ARID2: variants seen among roughly 807,000 people sequenced by gnomAD.
ARID2 encodes AT-rich interaction domain 2, also known as AT-rich interactive domain-containing protein 2.
Under a neutral mutation model 184.6 loss-of-function variants are expected in ARID2, and 32 were observed. That is an observed-to-expected ratio of 0.17 (90% CI 0.13 to 0.23). The LOEUF (loss-of-function observed/expected upper bound fraction) is 0.23. Among genes scored for constraint, ARID2 ranks in the 10% least tolerant of loss-of-function variants. The pLI is 1.00. For synonymous variants in ARID2, 836 were observed against 772.6 expected (o/e 1.08, Z -1.36); for missense variants, 1,696 against 2,197.6 (o/e 0.77, Z 4.56).
At chr12:45,868,595 T>C (rs1158583864) in intron 16 of ARID2, among the ~76,000 whole-genome samples, 2 of 152,222 alleles carry the variant, frequency 1.3e-5, no homozygotes, top group African/African-American at 4.8e-5. Flanking sequence ...AAAATGCACA[T>C]TTTTTGCTTT....
rs200901742 is a variant in ARID2, at chr12:45,850,613, A to G, written c.2490A>G (p.Gln830=). The change falls in exon 15 of 21, where the codon CAA becomes CAG. Residue 830 remains glutamine (Q), a synonymous_variant. Coordinates refer to ENST00000334344, the MANE Select transcript of ARID2 (RefSeq NM_152641.4). ...TCACCACATCACCCCAACCTGTGCA[A>G]ACTTCATCTCAACAGACATCAGCTG... is the stretch of plus-strand genomic sequence containing the variant. ...QLITTSPQPV[Q]TSSQQTSAGS... 4.3e-6 allele frequency: 7 copies of G among 1,614,094 alleles called. No individual in the cohort carries two copies. The Admixed American group carries it at 6.7e-5, about 15-fold the overall frequency.
At chr12:45,816,960 C>A (rs116971843) in intron 4 of ARID2, among the ~76,000 whole-genome samples, 1 of 152,182 alleles carries the variant, frequency 6.6e-6, no homozygotes, top group Non-Finnish European at 1.5e-5. Context: ...TAAAACTATA[C>A]ATCTGTCAAA....
intron 3 of ARID2, among the ~76,000 whole-genome samples, chr12:45,786,321 T>G (rs994848147): frequency 6.6e-6 from 1 of 152,346 alleles, no homozygotes; most frequent in South Asian, 2.1e-4. Flanking sequence ...TTTATCCTTA[T>G]AAGTATGGTG....
At chr12:45,844,274 C>T (rs909741935) in intron 11 of ARID2, among the ~76,000 whole-genome samples, 9 of 152,180 alleles carry the variant, frequency 5.9e-5, no homozygotes, top group African/African-American at 2.2e-4. Flanking sequence ...CCACTTCGGC[C>T]TCCCAAAGTG....
intron 3 of ARID2, among the ~76,000 whole-genome samples, chr12:45,808,212 A>G (rs1430239836): frequency 6.6e-6 from 1 of 152,188 alleles, no homozygotes; most frequent in East Asian, 1.9e-4. Context: ...GAACACTTGC[A>G]CTTTGAAATG....
At chr12:45,761,084 AT>A (rs1941669597) in intron 3 of ARID2, among the ~76,000 whole-genome samples, 1 of 152,100 alleles carries the variant, frequency 6.6e-6, no homozygotes, top group Non-Finnish European at 1.5e-5. Context: ...ACCTATTAGA[AT>A]TTAATGTGAT....
chr12:45,837,605 C>T lies in ARID2; in HGVS notation c.1228C>T (p.Pro410Ser), dbSNP rs896129362. ...YREIICHLTL[P>S]DVLLVISTLE... ...AGAGATCATTTGTCATCTCACTTTA[C>T]CTGATGTGCTGCTTGTAATCTCAAC... is the stretch of plus-strand genomic sequence containing the variant. The change falls in exon 10 of 21, where the codon CCT (proline) becomes TCT (serine). Residue 410 changes from proline to serine, a missense_variant. Around this residue, in one of 11 missense-constraint regions of ARID2, gnomAD observed 86 missense variants for 200.8 expected, o/e 0.43. Coordinates refer to ENST00000334344, the MANE Select transcript of ARID2 (RefSeq NM_152641.4). 1 of 1,614,020 alleles carries T rather than the reference C, an allele frequency of 6.2e-7. No homozygotes were observed.
At chr12:45,854,301 A>T (rs958635560) in intron 15 of ARID2, among the ~76,000 whole-genome samples, 2 of 152,168 alleles carry the variant, frequency 1.3e-5, no homozygotes, top group African/African-American at 4.8e-5. Flanking sequence ...TGCTTAATAA[A>T]TGTAATGCGC....
chr12:45,823,044 T>A (rs1333715412), intron 6 of ARID2, among the ~76,000 whole-genome samples: 4 of 152,034 alleles, frequency 2.6e-5, no homozygotes, highest in Middle Eastern at 3.2e-3. Context: ...CATGGAACAG[T>A]CTCTGGGATA....
At chr12:45,732,448 TA>T in intron 3 of ARID2, among the ~76,000 whole-genome samples, 1 of 152,320 alleles carries the variant, frequency 6.6e-6, no homozygotes, top group Non-Finnish European at 1.5e-5. Context: ...GTTATTGAGT[TA>T]CACAGGAAGT....
intron 15 of ARID2, among the ~76,000 whole-genome samples, chr12:45,860,514 G>A: frequency 6.6e-6 from 1 of 151,690 alleles, no homozygotes; most frequent in East Asian, 1.9e-4. Context: ...ATCTACAATT[G>A]TATTGTTTCA....
intron 3 of ARID2, among the ~76,000 whole-genome samples, chr12:45,773,957 C>T (rs1941929706): frequency 6.6e-6 from 1 of 152,212 alleles, no homozygotes; most frequent in African/African-American, 2.4e-5. Flanking sequence ...TTATCTTCCC[C>T]TGTGACTGGA....
chr12:45,743,036 C>T (rs1433363900), intron 3 of ARID2, among the ~76,000 whole-genome samples: 1 of 151,926 alleles, frequency 6.6e-6, no homozygotes. Context: ...TGAGACATTA[C>T]AGCATGTTTG....
chr12:45,779,638 G>C (rs1257161248), intron 3 of ARID2, among the ~76,000 whole-genome samples: 1 of 152,008 alleles, frequency 6.6e-6, no homozygotes, highest in African/African-American at 2.4e-5. Flanking sequence ...TTGAACTTTA[G>C]GTCTTGCCTC....
At chr12:45,867,284 G>A (rs916727946) in intron 16 of ARID2, among the ~76,000 whole-genome samples, 16 of 150,790 alleles carry the variant, frequency 1.1e-4, no homozygotes, top group Non-Finnish European at 2.1e-4. Context: ...ACAAGGTCTT[G>A]TTCTGTCATC....
chr12:45,742,876 C>T (rs1433323885), intron 3 of ARID2, among the ~76,000 whole-genome samples: 1 of 152,136 alleles, frequency 6.6e-6, no homozygotes, highest in Non-Finnish European at 1.5e-5. Flanking sequence ...TAAATATTGC[C>T]AGATTCCCTT....
chr12:45,857,668 A>G (rs1035991164), intron 15 of ARID2, among the ~76,000 whole-genome samples: 1 of 152,160 alleles, frequency 6.6e-6, no homozygotes, highest in African/African-American at 2.4e-5. Flanking sequence ...ACATTCACAA[A>G]AATCTCTTTT....
chr12:45,751,037 T>A (rs1006656191), intron 3 of ARID2, among the ~76,000 whole-genome samples: 2 of 152,122 alleles, frequency 1.3e-5, no homozygotes, highest in Admixed American at 1.3e-4. Context: ...GCACTGGACA[T>A]ATATCAATGA....
chr12:45,853,555 A>G (rs1343507088), intron 15 of ARID2, among the ~76,000 whole-genome samples: 2 of 152,232 alleles, frequency 1.3e-5, no homozygotes, highest in African/African-American at 4.8e-5. Flanking sequence ...AGTATTTTCT[A>G]AAATCAGCAC....
Sources: gnomAD v4.1 joint callset for allele counts (sites outside exome capture counted in the v4.1 genomes callset) on GRCh38, gnomAD v4.1.1 for gene constraint, gnomAD v4.1.1 regional missense constraint, MANE v1.5 for transcripts, NCBI Gene and HGNC (gene_info 2026-07-23, HGNC 2026-07-21) for gene names.